The following CAMTA1 variants were observed in gnomAD, a reference collection of about 807,000 sequenced individuals.
The protein encoded by CAMTA1 is calmodulin binding transcription activator 1, also known as calmodulin-binding transcription activator 1.
A neutral mutation model predicts 170.9 loss-of-function variants in CAMTA1; 27 were observed. The ratio of observed to expected loss-of-function variants is 0.16; its 90% CI spans 0.12 to 0.22. The LOEUF (loss-of-function observed/expected upper bound fraction) is 0.22. Ranked by LOEUF, CAMTA1 falls within the 10% of genes least tolerant of loss-of-function variation. The pLI is 1.00. For missense variants in CAMTA1, 1,619 were observed against 2,217.2 expected, an observed-to-expected ratio of 0.73 and a Z score of 5.42; for synonymous variants, 833 against 891.5, an observed-to-expected ratio of 0.93 and a Z score of 1.17.
chr1:7,172,587 G>C (rs189214621), intron 4 of CAMTA1, among the ~76,000 whole-genome samples: 51 of 152,318 alleles, frequency 3.3e-4, no homozygotes, highest in Admixed American at 5.2e-4. Context: ...TGAGCACAGA[G>C]AGCCTGAATT....
chr1:7,699,962 TCC>T (rs2096421011), intron 11 of CAMTA1, among the ~76,000 whole-genome samples: 2 of 152,248 alleles, frequency 1.3e-5, no homozygotes, highest in East Asian at 3.8e-4. Context: ...AAATATTTTC[TCC>T]CTTTTAGTGA....
At chr1:7,660,608 G>A (rs961673380) in intron 7 of CAMTA1, among the ~76,000 whole-genome samples, 3 of 152,170 alleles carry the variant, frequency 2.0e-5, no homozygotes, top group Non-Finnish European at 4.4e-5. Flanking sequence ...CTGCCATGTC[G>A]ACGCTCTCCT....
intron 9 of CAMTA1, among the ~76,000 whole-genome samples, chr1:7,668,977 C>G (rs1379087987): frequency 6.6e-6 from 1 of 152,160 alleles, no homozygotes; most frequent in Non-Finnish European, 1.5e-5. Context: ...CGCCGGCACT[C>G]TTCTCAGCCA....
chr1:7,380,366 G>C (rs985110869), intron 5 of CAMTA1, among the ~76,000 whole-genome samples: 1 of 152,082 alleles, frequency 6.6e-6, no homozygotes, highest in Non-Finnish European at 1.5e-5. Context: ...CCTGTGGTCG[G>C]GAGTTTGAGA....
intron 5 of CAMTA1, among the ~76,000 whole-genome samples, chr1:7,398,100 C>T (rs1197809367): frequency 1.0e-4 from 15 of 143,970 alleles, no homozygotes; most frequent in African/African-American, 3.8e-4. Flanking sequence ...GAGTCTCCTA[C>T]TATTATTGTA....
intron 4 of CAMTA1, among the ~76,000 whole-genome samples, chr1:7,127,751 G>A (rs1318921095): frequency 6.6e-6 from 1 of 152,186 alleles, no homozygotes; most frequent in Non-Finnish European, 1.5e-5. Context: ...ACAGGAAACA[G>A]GCAAGAGGAC....
At chr1:7,645,398 C>T (rs2095795924) in intron 7 of CAMTA1, among the ~76,000 whole-genome samples, 1 of 152,248 alleles carries the variant, frequency 6.6e-6, no homozygotes, top group Admixed American at 6.5e-5. Flanking sequence ...TCCTGGCAGC[C>T]CAGGAGGGGA....
rs2149544638 is a variant in CAMTA1, at chr1:7,299,928, G to A, written c.438+50302G>A. ...AGAAGGGGCCCGTGCAACCAGAGGTGCCCCGAAAGCTTAAGTGTCATTGAC... is the reference window on the plus strand; with the variant it reads ...AGAAGGGGCCCGTGCAACCAGAGGTACCCCGAAAGCTTAAGTGTCATTGAC... On this transcript the variant is annotated intron_variant, in intron 5 of 22. Transcript: ENST00000303635. The surrounding 1 kb of genome is among the most constrained non-coding windows in gnomAD (Gnocchi z 4.7). 6.6e-6 allele frequency among the ~76,000 whole-genome samples: 1 copy of A among 152,290 alleles called. No individual in the cohort carries two copies. The highest frequency in any genetic ancestry group is 1.9e-4 in the East Asian group (1 of 5,188).
chr1:7,619,878 G>A (rs2095585688), intron 6 of CAMTA1, among the ~76,000 whole-genome samples: 1 of 152,154 alleles, frequency 6.6e-6, no homozygotes, highest in Admixed American at 6.5e-5. Context: ...TTGAACTCCT[G>A]GGCTCAAGTG....
At chr1:6,914,244 AC>A (rs1680318411) in intron 3 of CAMTA1, among the ~76,000 whole-genome samples, 1 of 151,646 alleles carries the variant, frequency 6.6e-6, no homozygotes, top group Admixed American at 6.6e-5. Context: ...AGCTGGGATT[AC>A]AGATGCCTGA....
intron 5 of CAMTA1, among the ~76,000 whole-genome samples, chr1:7,466,470 G>A (rs1299996950): frequency 1.3e-5 from 2 of 152,208 alleles, no homozygotes; most frequent in Non-Finnish European, 2.9e-5. Flanking sequence ...TAATCAGACA[G>A]GCAGGGCTCC....
At chr1:7,350,006 GT>G (rs2084532533) in intron 5 of CAMTA1, among the ~76,000 whole-genome samples, 1 of 152,136 alleles carries the variant, frequency 6.6e-6, no homozygotes. Context: ...TGGGCTCTCT[GT>G]GTGAGTATCT....
At chr1:7,751,860 T>C (rs557273192) in intron 20 of CAMTA1, among the ~76,000 whole-genome samples, 14 of 152,238 alleles carry the variant, frequency 9.2e-5, no homozygotes, top group Non-Finnish European at 1.3e-4. Context: ...AAACAGAACT[T>C]GTTCCTAATC....
At chr1:7,472,753 C>T (rs1431889845) in intron 6 of CAMTA1, among the ~76,000 whole-genome samples, 1 of 152,124 alleles carries the variant, frequency 6.6e-6, no homozygotes, top group Non-Finnish European at 1.5e-5. Flanking sequence ...GGGGTGCCAT[C>T]ACCCCCTAGA....
rs1434142415 is a variant in CAMTA1, at chr1:7,674,264, T to A, written c.2779+3227T>A. Among the ~76,000 whole-genome samples the A allele has an allele frequency of 6.6e-6, 1 of 151,954 alleles. No individual in the cohort carries two copies. Among genetic ancestry groups the A allele is most frequent in the East Asian group, 1.9e-4 (1 of 5,158 alleles). On this transcript the variant is annotated intron_variant, in intron 10 of 22. Transcript: ENST00000303635. This position sits in a 1 kb window ranked among gnomAD's most constrained non-coding sequence, Gnocchi z 4.1. Reference sequence around the variant, plus strand: ...TGGCAGGAGACACGCAGGCACTGAGTGTGTCTTCTGCAAGACTCCAGGGTG... The same window carrying A: ...TGGCAGGAGACACGCAGGCACTGAGAGTGTCTTCTGCAAGACTCCAGGGTG...
At chr1:7,523,844 C>T (rs2094397386) in intron 6 of CAMTA1, among the ~76,000 whole-genome samples, 1 of 151,006 alleles carries the variant, frequency 6.6e-6, no homozygotes, top group African/African-American at 2.4e-5. Context: ...GATCGCACCA[C>T]TGCACTCCAG....
At chr1:7,704,734 G>C (rs1013551659) in intron 11 of CAMTA1, among the ~76,000 whole-genome samples, 5 of 147,756 alleles carry the variant, frequency 3.4e-5, no homozygotes, top group African/African-American at 9.8e-5. Context: ...GGAGACCGCG[G>C]TACCCGGAGC....
rs1276611565 is a variant in CAMTA1 at position 7,737,680 on chromosome 1, TG to T, written c.3658+111del. 6.3e-6 allele frequency: 7 copies of T among 1,109,844 alleles called. No individual in the cohort carries two copies. In the African/African-American group the frequency reaches 9.5e-5, roughly 15 times the overall value. 68.7% of individuals were successfully genotyped at this position (1,109,844 alleles called of 1,614,324 possible). A position where few individuals can be genotyped will look rare whatever the true frequency, so the allele number is the denominator to read the frequency against. ...ATAGTCACATACATTTCAGTTTTTT[TG>T]TTAATGTTTCTGATTTTTCTTTAAG... On this transcript the variant is annotated intron_variant, in intron 15 of 22. Transcript: ENST00000303635.
chr1:7,494,809 A>T (rs901889674), intron 6 of CAMTA1, among the ~76,000 whole-genome samples: 6 of 152,270 alleles, frequency 3.9e-5, no homozygotes, highest in Middle Eastern at 3.4e-3. Flanking sequence ...GTCTCAAAAA[A>T]AATAATAAAA....
Sources: gnomAD v4.1 joint callset for allele counts (sites outside exome capture counted in the v4.1 genomes callset) on GRCh38, gnomAD v4.1.1 for gene constraint, Gnocchi (gnomAD v3.1) non-coding constraint, MANE v1.5 for transcripts, NCBI Gene and HGNC (gene_info 2026-07-23, HGNC 2026-07-21) for gene names.